The following FBXL7 variants were observed in gnomAD, a reference collection of about 807,000 sequenced individuals.
FBXL7 encodes F-box and leucine rich repeat protein 7.
A neutral mutation model predicts 38.3 loss-of-function variants in FBXL7; 12 were observed. The ratio of observed to expected loss-of-function variants is 0.31; its 90% CI spans 0.20 to 0.51. The LOEUF is 0.51. Ranked by LOEUF, FBXL7 falls within the 20% of genes least tolerant of loss-of-function variation. The probability of loss-of-function intolerance (pLI) is 0.98; values close to 1 mark genes in which losing one functional copy is unlikely to be tolerated. For missense variants in FBXL7, 567 were observed against 676.4 expected, an observed-to-expected ratio of 0.84 and a Z score of 1.79; for synonymous variants, 297 against 300.9, an observed-to-expected ratio of 0.99 and a Z score of 0.13.
chr5:15,786,477 T>C (rs2402181), intron 2 of FBXL7, among the ~76,000 whole-genome samples: 17,509 of 152,198 alleles, frequency 0.12, 1,202 homozygotes, highest in African/African-American at 0.19. Context: ...GGCAGAAATG[T>C]CCTGAGAGTA....
At chr5:15,809,391 C>T (rs573169307) in intron 2 of FBXL7, among the ~76,000 whole-genome samples, 46 of 152,268 alleles carry the variant, frequency 3.0e-4, no homozygotes, top group Middle Eastern at 6.8e-3. Context: ...ATCCTAATTG[C>T]TTTCCCTCCC....
At chr5:15,849,790 T>C in intron 2 of FBXL7, among the ~76,000 whole-genome samples, 1 of 152,342 alleles carries the variant, frequency 6.6e-6, no homozygotes. Flanking sequence ...ATTATGACAG[T>C]TTACCCAAAT....
At chr5:15,617,365 A>G (rs1157187258) in intron 2 of FBXL7, among the ~76,000 whole-genome samples, 11 of 152,200 alleles carry the variant, frequency 7.2e-5, no homozygotes, top group Admixed American at 7.2e-4. Context: ...TATGGGCATT[A>G]GATCATTAAT....
At chr5:15,686,565 G>C (rs912195772) in intron 2 of FBXL7, among the ~76,000 whole-genome samples, 11 of 152,028 alleles carry the variant, frequency 7.2e-5, no homozygotes, top group African/African-American at 1.9e-4. Flanking sequence ...CTTTCTCTCT[G>C]TATAGCCCTG....
chr5:15,748,858 A>G (rs1561111044), intron 2 of FBXL7, among the ~76,000 whole-genome samples: 1 of 152,116 alleles, frequency 6.6e-6, no homozygotes, highest in African/African-American at 2.4e-5. Flanking sequence ...ATGTACCACT[A>G]TACTTGGCTA....
At chr5:15,875,350 C>A (rs1396140195) in intron 2 of FBXL7, among the ~76,000 whole-genome samples, 1 of 152,046 alleles carries the variant, frequency 6.6e-6, no homozygotes, top group Non-Finnish European at 1.5e-5. Flanking sequence ...TGTGCAAAGA[C>A]TTCATGACTA....
chr5:15,608,560 G>A (rs1338027004), intron 1 of FBXL7, among the ~76,000 whole-genome samples: 2 of 152,162 alleles, frequency 1.3e-5, no homozygotes, highest in East Asian at 1.9e-4. Context: ...AAGGTATTTT[G>A]TTAGGTGGTG....
intron 1 of FBXL7, among the ~76,000 whole-genome samples, chr5:15,539,092 C>T (rs1330022636): frequency 1.3e-5 from 2 of 152,166 alleles, no homozygotes; most frequent in East Asian, 3.9e-4. Flanking sequence ...TACTTATATA[C>T]CTGAGCTTTT....
At chr5:15,611,261 T>C (rs1417488169) in intron 1 of FBXL7, among the ~76,000 whole-genome samples, 1 of 151,624 alleles carries the variant, frequency 6.6e-6, no homozygotes, top group African/African-American at 2.4e-5. Context: ...CCTTCCTGTC[T>C]CAGCTCTCCT....
chr5:15,717,113 A>T (rs1361051493), intron 2 of FBXL7, among the ~76,000 whole-genome samples: 2 of 152,224 alleles, frequency 1.3e-5, no homozygotes, highest in Admixed American at 6.5e-5. Context: ...TCAAAGACTT[A>T]CAGATAAAGC....
intron 2 of FBXL7, among the ~76,000 whole-genome samples, chr5:15,755,117 A>T (rs1736259339): frequency 6.6e-6 from 1 of 152,190 alleles, no homozygotes; most frequent in Non-Finnish European, 1.5e-5. Flanking sequence ...CCAAAACCTC[A>T]TGCCCCTCAA....
At chr5:15,772,826 TAC>T (rs1381083233) in intron 2 of FBXL7, among the ~76,000 whole-genome samples, 9 of 152,212 alleles carry the variant, frequency 5.9e-5, no homozygotes, top group African/African-American at 1.7e-4. Context: ...TAGCTTGACA[TAC>T]AGTCTTTTAG....
At position 15,937,296 on chromosome 5, in the gene FBXL7, G is replaced by A; in HGVS notation, c.*110G>A. The A allele has an allele frequency of 1.5e-6, 2 of 1,309,042 alleles. No individual in the cohort carries two copies. The highest frequency in any genetic ancestry group is 2.0e-6 in the Non-Finnish European group (2 of 986,530). The allele number at this position is 1,309,042 out of a possible 1,614,324, so 81.1% of individuals were successfully genotyped here. On this transcript the variant is annotated 3_prime_UTR_variant, in exon 4 of 4. Transcript: ENST00000504595. ...CCCACTCAAAACAGCTCTTTCTTCC[G>A]GGAAGGTTATTAGGAATCTGGCCTT...
At chr5:15,554,304 A>G (rs551805305) in intron 1 of FBXL7, among the ~76,000 whole-genome samples, 1 of 151,984 alleles carries the variant, frequency 6.6e-6, no homozygotes, top group Non-Finnish European at 1.5e-5. Flanking sequence ...TCCTCACTCT[A>G]TATCTCCCCA....
chr5:15,693,801 G>A (rs1579383478), intron 2 of FBXL7, among the ~76,000 whole-genome samples: 1 of 152,160 alleles, frequency 6.6e-6, no homozygotes, highest in Non-Finnish European at 1.5e-5. Flanking sequence ...CCTGGCCGCT[G>A]AGCAGCCCGA....
chr5:15,814,550 A>T (rs1337965856), intron 2 of FBXL7, among the ~76,000 whole-genome samples: 1 of 152,126 alleles, frequency 6.6e-6, no homozygotes, highest in East Asian at 1.9e-4. Context: ...CTACACATGT[A>T]TCCCAGAACT....
At chr5:15,546,059 A>G (rs552932277) in intron 1 of FBXL7, among the ~76,000 whole-genome samples, 53 of 152,392 alleles carry the variant, frequency 3.5e-4, no homozygotes, top group African/African-American at 1.3e-3. Context: ...TCTTGATTAC[A>G]TATTAAAATT....
intron 2 of FBXL7, among the ~76,000 whole-genome samples, chr5:15,793,885 C>T (rs946468781): frequency 6.6e-6 from 1 of 152,218 alleles, no homozygotes; most frequent in African/African-American, 2.4e-5. Context: ...AACACAACTA[C>T]AGCATGAAAC....
chr5:15,568,451 G>A (rs1044539306), intron 1 of FBXL7, among the ~76,000 whole-genome samples: 8 of 151,656 alleles, frequency 5.3e-5, no homozygotes, highest in African/African-American at 1.9e-4. Flanking sequence ...TTTTTTTCTT[G>A]TAAATTTGTT....
Sources: gnomAD v4.1 joint callset for allele counts (sites outside exome capture counted in the v4.1 genomes callset) on GRCh38, gnomAD v4.1.1 for gene constraint, MANE v1.5 for transcripts, NCBI Gene and HGNC (gene_info 2026-07-23, HGNC 2026-07-21) for gene names.